The following RGS7 variants were observed in gnomAD, a reference collection of about 807,000 sequenced individuals.
The protein encoded by RGS7 is regulator of G protein signaling 7.
RGS7 carries 27 observed loss-of-function variants against 81.1 expected under a neutral mutation model. The observed-to-expected ratio is 0.33, with a 90% confidence interval of 0.25 to 0.46. The LOEUF is 0.46. Ranked by LOEUF, RGS7 falls within the 20% of genes least tolerant of loss-of-function variation. The pLI is 1.00. For synonymous variants in RGS7, 208 were observed against 207.7 expected, an observed-to-expected ratio of 1.00 and a Z score of -0.01; for missense variants, 396 against 607.4, an observed-to-expected ratio of 0.65 and a Z score of 3.66.
At chr1:240,958,965 G>C (rs1680903297) in intron 4 of RGS7, among the ~76,000 whole-genome samples, 1 of 152,218 alleles carries the variant, frequency 6.6e-6, no homozygotes, top group Non-Finnish European at 1.5e-5. Flanking sequence ...CAGGCACGCT[G>C]CTTAAACTCT....
chr1:241,165,743 A>C (rs543595144), intron 2 of RGS7, among the ~76,000 whole-genome samples: 94 of 151,786 alleles, frequency 6.2e-4, no homozygotes, highest in African/African-American at 1.7e-3. Context: ...AACTAACCTG[A>C]ACATTGTGCA....
intron 3 of RGS7, among the ~76,000 whole-genome samples, chr1:241,032,772 T>C (rs1412393901): frequency 6.6e-6 from 1 of 152,216 alleles, no homozygotes; most frequent in Non-Finnish European, 1.5e-5. Flanking sequence ...CTTCATGGGT[T>C]CTCAACTTCA....
At chr1:241,208,094 T>C (rs1457657054) in intron 2 of RGS7, among the ~76,000 whole-genome samples, 1 of 152,132 alleles carries the variant, frequency 6.6e-6, no homozygotes, top group Non-Finnish European at 1.5e-5. Flanking sequence ...TTAGTAGAGA[T>C]GGGAGTTTCA....
chr1:240,990,189 C>T (rs984376878), intron 3 of RGS7, among the ~76,000 whole-genome samples: 1 of 151,942 alleles, frequency 6.6e-6, no homozygotes, highest in South Asian at 2.1e-4. Flanking sequence ...CGAGAGGTAT[C>T]GATGGAGGCA....
chr1:241,143,469 G>A (rs997063518), intron 2 of RGS7, among the ~76,000 whole-genome samples: 1 of 152,116 alleles, frequency 6.6e-6, no homozygotes, highest in African/African-American at 2.4e-5. Context: ...CATGGATGGT[G>A]GCAGGCAAAA....
intron 15 of RGS7, 92 bp from the exon 16 acceptor site, chr1:240,803,085 G>A (rs1436792947): frequency 4.7e-6 from 4 of 858,910 alleles, no homozygotes; most frequent in Admixed American, 1.8e-5. Context: ...AACAAATCTA[G>A]TAGCAGCGAA....
chr1:240,989,022 A>G (rs1433029883), intron 3 of RGS7, among the ~76,000 whole-genome samples: 3 of 152,190 alleles, frequency 2.0e-5, no homozygotes, highest in African/African-American at 7.2e-5. Context: ...CAAACAAAAC[A>G]TGAACATGGG....
chr1:240,980,159 T>C lies in RGS7; in HGVS notation c.226+2920A>G, dbSNP rs114265828. Among the ~76,000 whole-genome samples the C allele has an allele frequency of 5.7e-3, 863 of 152,270 alleles. 12 individuals carry two copies. The highest frequency in any genetic ancestry group is 0.02 in the African/African-American group (826 of 41,552). On this transcript the variant is annotated intron_variant, in intron 4 of 18. Coordinates refer to ENST00000440928, the MANE Select transcript of RGS7 (RefSeq NM_001364886.1). ...TGTCTAATGGTACCAAAATCTCTGA[T>C]AAAATATTCAGCCAAATGTGTCCTG... is the stretch of plus-strand genomic sequence containing the variant.
chr1:240,897,256 A>T (rs901883060), intron 6 of RGS7, among the ~76,000 whole-genome samples: 27 of 152,124 alleles, frequency 1.8e-4, no homozygotes, highest in African/African-American at 6.3e-4. Context: ...CTCTTTTCCT[A>T]ATTGAATATC....
chr1:240,935,083 G>A (rs1249065856), intron 5 of RGS7, among the ~76,000 whole-genome samples: 1 of 149,804 alleles, frequency 6.7e-6, no homozygotes, highest in East Asian at 2.0e-4. Flanking sequence ...TTTTTTAGTA[G>A]AGATGAGGTT....
intron 2 of RGS7, among the ~76,000 whole-genome samples, chr1:241,208,073 T>C (rs1161290008): frequency 6.6e-6 from 1 of 152,140 alleles, no homozygotes; most frequent in Non-Finnish European, 1.5e-5. Context: ...GCCTGGCTAA[T>C]TTTTGTAGTT....
intron 2 of RGS7, among the ~76,000 whole-genome samples, chr1:241,273,185 C>CG (rs71841791): frequency 1.5e-5 from 2 of 133,342 alleles, no homozygotes; most frequent in Non-Finnish European, 3.3e-5. Flanking sequence ...ACCCCCCCCC[C>CG]CAAAGGATAC....
At chr1:241,120,960 G>C (rs12025762) in intron 2 of RGS7, among the ~76,000 whole-genome samples, 2 of 151,888 alleles carry the variant, frequency 1.3e-5, no homozygotes, top group African/African-American at 4.8e-5. Context: ...GACTCAAGGC[G>C]AGGACACCGT....
At chr1:241,226,734 A>C (rs1034397033) in intron 2 of RGS7, among the ~76,000 whole-genome samples, 3 of 152,208 alleles carry the variant, frequency 2.0e-5, no homozygotes, top group African/African-American at 4.8e-5. Flanking sequence ...TTGATGCATA[A>C]GCAGAAACTG....
Position 240,806,178 on chromosome 1 carries a change from C to T in RGS7, c.1231G>A (p.Val411Met), listed in dbSNP as rs372505807. 9.9e-6 allele frequency: 16 copies of T among 1,614,036 alleles called. No homozygotes were observed. The highest frequency in any genetic ancestry group is 1.7e-4 in the Middle Eastern group (1 of 6,042). Residue 411 changes from valine to methionine, a missense_variant, in exon 15 of 19, where the codon GTG (valine) becomes ATG (methionine). Physicochemically the swap from Val to Met is conservative, Grantham distance 21. Transcript: ENST00000440928. ...AATGTGTATCGTCCAGGTTCCTTCA[C>T]GTTCTGTGTGGTTTTGTCATAACTC... ...SKSYDKTTQN[V>M]KEPGRYTFED...
At chr1:240,945,109 T>A (rs1210337625) in intron 4 of RGS7, among the ~76,000 whole-genome samples, 1 of 152,238 alleles carries the variant, frequency 6.6e-6, no homozygotes, top group Admixed American at 6.5e-5. Flanking sequence ...GTCAAAACAC[T>A]AGCTAGAAGT....
intron 6 of RGS7, among the ~76,000 whole-genome samples, chr1:240,921,733 A>C (rs1673577055): frequency 6.6e-6 from 1 of 152,100 alleles, no homozygotes; most frequent in East Asian, 1.9e-4. Context: ...AGAGTACAAA[A>C]TTCTTTTAAA....
At chr1:240,894,454 A>C (rs1668728119) in intron 6 of RGS7, among the ~76,000 whole-genome samples, 1 of 151,864 alleles carries the variant, frequency 6.6e-6, no homozygotes, top group African/African-American at 2.4e-5. Context: ...CCTTTACTCT[A>C]TGTGTTTTAA....
chr1:240,969,620 T>C (rs1682878132), intron 4 of RGS7, among the ~76,000 whole-genome samples: 1 of 152,212 alleles, frequency 6.6e-6, no homozygotes, highest in Non-Finnish European at 1.5e-5. Flanking sequence ...CAATATATAT[T>C]TAAAAAACCA....
Sources: allele counts gnomAD v4.1 joint callset (sites outside exome capture counted in the v4.1 genomes callset), GRCh38; gene constraint gnomAD v4.1.1; transcripts MANE v1.5; gene names NCBI Gene and HGNC (gene_info 2026-07-23, HGNC 2026-07-21).